Variants in ACTN2 observed in about 807,000 individuals in gnomAD.
ACTN2 encodes the protein alpha-actinin-2.
In ACTN2, 39 loss-of-function variants were observed where a neutral mutation model predicts 113.8. The observed-to-expected ratio is 0.34, with a 90% CI of 0.27 to 0.45. The LOEUF is 0.45. Among genes scored for constraint, ACTN2 ranks in the 20% least tolerant of loss-of-function variants. The pLI is 1.00. For synonymous variants in ACTN2, 429 were observed against 444.1 expected (o/e 0.97, Z 0.43); for missense variants, 992 against 1,177.9 (o/e 0.84, Z 2.31).
At chr1:236,719,769 G>A (rs1208652654) in intron 3 of ACTN2, among the ~76,000 whole-genome samples, 3 of 151,582 alleles carry the variant, frequency 2.0e-5, no homozygotes, top group Admixed American at 6.6e-5. Flanking sequence ...ACTGCACTGC[G>A]GCCTGGGCGA....
chr1:236,723,965 C>T (rs1393635313), intron 4 of ACTN2, among the ~76,000 whole-genome samples: 1 of 152,114 alleles, frequency 6.6e-6, no homozygotes, highest in Non-Finnish European at 1.5e-5. Flanking sequence ...CGGTTTGGGT[C>T]CTCCAGGAAG....
intron 1 of ACTN2, among the ~76,000 whole-genome samples, chr1:236,709,341 CGTGTATATATATATATACGT>C: frequency 9.5e-6 from 1 of 105,370 alleles, no homozygotes; most frequent in Non-Finnish European, 1.8e-5. Context: ...TATATATATA[CGTGTATATATATATATACGT>C]GTGTGTGTAT....
intron 7 of ACTN2, among the ~76,000 whole-genome samples, chr1:236,732,536 G>C (rs925215709): frequency 6.6e-6 from 1 of 151,638 alleles, no homozygotes; most frequent in Non-Finnish European, 1.5e-5. Context: ...TCTGTCTCCC[G>C]GGTTCAAGAG....
chr1:236,729,538 A>G (rs147823165), intron 6 of ACTN2, among the ~76,000 whole-genome samples: 62 of 152,216 alleles, frequency 4.1e-4, no homozygotes, highest in African/African-American at 1.4e-3. Context: ...TCGTAAGAAG[A>G]GTGTCCTGGC....
rs1324659627 is a variant in ACTN2 at position 236,742,898 on chromosome 1, T to A, written c.1110T>A (p.Asp370Glu). ...CCCTTGGCTTCCAACCATCCCAGGA[T>A]ATTGCTGGTGCCTGGCAGAGGCTGG... is the stretch of plus-strand genomic sequence containing the variant. The part of the protein sequence containing the change: ...FMPSEGKMVS[D>E]IAGAWQRLEQ... The change falls in exon 11 of 21, where the codon GAT (aspartate) becomes GAA (glutamate). Residue 370 changes from aspartate (D) to glutamate (E), a missense_variant and splice_region_variant. Coordinates refer to ENST00000366578, the MANE Select transcript of ACTN2 (RefSeq NM_001103.4). 1 of 1,614,182 alleles carries A rather than the reference T, an allele frequency of 6.2e-7. No individual in the cohort carries two copies. The highest frequency in any genetic ancestry group is 1.7e-5 in the Admixed American group (1 of 60,032).
intron 1 of ACTN2, among the ~76,000 whole-genome samples, chr1:236,698,357 G>A (rs6428965): frequency 0.96 from 146,278 of 152,296 alleles, 70,270 homozygotes; most frequent in East Asian, 0.99. Context: ...AAAACATATT[G>A]TAGATGTTTT....
intron 4 of ACTN2, among the ~76,000 whole-genome samples, chr1:236,721,651 TA>T (rs1426246015): frequency 6.6e-6 from 1 of 152,240 alleles, no homozygotes; most frequent in Non-Finnish European, 1.5e-5. Context: ...ATTCTTGCTT[TA>T]TTTAAAAATT....
chr1:236,715,136 C>A (rs186247086), intron 1 of ACTN2, among the ~76,000 whole-genome samples: 26 of 149,976 alleles, frequency 1.7e-4, no homozygotes, highest in African/African-American at 4.2e-4. Context: ...CCCTTTCGTA[C>A]CACTTGAATT....
At chr1:236,716,277 T>C (rs1336760623) in intron 1 of ACTN2, among the ~76,000 whole-genome samples, 4 of 152,134 alleles carry the variant, frequency 2.6e-5, no homozygotes, top group Non-Finnish European at 5.9e-5. Context: ...GAAGTTTTCA[T>C]CTTGAACACA....
At chr1:236,745,105 A>G (rs1230571738) in intron 12 of ACTN2, among the ~76,000 whole-genome samples, 6 of 152,144 alleles carry the variant, frequency 3.9e-5, no homozygotes, top group Non-Finnish European at 2.9e-5. Flanking sequence ...GAAGCAGAAT[A>G]TAGCCTGTCC....
At chr1:236,744,030 C>T (rs1659152227) in intron 11 of ACTN2, among the ~76,000 whole-genome samples, 2 of 152,104 alleles carry the variant, frequency 1.3e-5, no homozygotes, top group Non-Finnish European at 2.9e-5. Flanking sequence ...AGGTCATTAG[C>T]CAGGGGATAA....
At chr1:236,749,058 C>T in intron 13 of ACTN2, 66 bp from the exon 14 acceptor site, 1 of 1,560,686 alleles carries the variant, frequency 6.4e-7, no homozygotes, top group Non-Finnish European at 8.8e-7. Context: ...TATGGAACGC[C>T]TACTTACACT....
chr1:236,753,806 C>G (rs1659469324), intron 15 of ACTN2, 141 bp from the exon 16 acceptor site: 1 of 1,065,214 alleles, frequency 9.4e-7, no homozygotes. Flanking sequence ...TATCCTCCCT[C>G]TTCCTTCCCC....
chr1:236,715,781 C>T (rs1021338890), intron 1 of ACTN2, among the ~76,000 whole-genome samples: 11 of 152,112 alleles, frequency 7.2e-5, no homozygotes, highest in African/African-American at 2.2e-4. Flanking sequence ...CATGGCAAAA[C>T]CCCGTCTCTA....
In ACTN2 at chr1:236,742,976, G is replaced by A; in HGVS notation, c.1188G>A (p.Leu396=). The A allele has an allele frequency of 6.2e-7, 1 of 1,614,198 alleles. No homozygotes were observed. The highest frequency in any genetic ancestry group is 1.1e-5 in the South Asian group (1 of 91,086). Residue 396 remains leucine (L), a synonymous_variant, in exon 11 of 21, where the codon CTG becomes CTA. Coordinates refer to ENST00000366578, the MANE Select transcript of ACTN2 (RefSeq NM_001103.4). The part of the protein sequence containing the change: ...EEWLLNEIRR[L]ERLEHLAEKF... ...GGTTGCTCAATGAGATTCGGAGACTGGAGCGCTTGGAACACCTGGCTGAGA... is the reference window on the plus strand; with the variant it reads ...GGTTGCTCAATGAGATTCGGAGACTAGAGCGCTTGGAACACCTGGCTGAGA...
At position 236,754,347 on chromosome 1, in the gene ACTN2, A is replaced by G. The variant is rs890838415; in HGVS notation, c.1974+266A>G. Among the ~76,000 whole-genome samples, 1 of 152,214 alleles carries G rather than the reference A, an allele frequency of 6.6e-6. No individual in the cohort carries two copies. The highest frequency in any genetic ancestry group is 1.5e-5 in the Non-Finnish European group (1 of 68,044). ...GGTTCTGTTTATTTTCTCACTAAAA[A>G]TGGTGACAGGGCTTTCTCCGTTTTT... is the stretch of plus-strand genomic sequence containing the variant. On this transcript the variant is annotated intron_variant, in intron 16 of 20. Coordinates refer to ENST00000366578, the MANE Select transcript of ACTN2 (RefSeq NM_001103.4). The surrounding 1 kb of genome is among the most constrained non-coding windows in gnomAD (Gnocchi z 4.9).
chr1:236,689,338 T>TATATATACAC (rs1439126100), intron 1 of ACTN2, among the ~76,000 whole-genome samples: 7 of 41,178 alleles, frequency 1.7e-4, no homozygotes, highest in Admixed American at 3.2e-4. Flanking sequence ...TATATATATA[T>TATATATACAC]ACACACACAT....
chr1:236,737,815 T>C (rs892423940), intron 9 of ACTN2, among the ~76,000 whole-genome samples: 4 of 152,150 alleles, frequency 2.6e-5, no homozygotes, highest in Non-Finnish European at 5.9e-5. Flanking sequence ...AGTTTCCAGG[T>C]TGTTTTTCTT....
chr1:236,687,302 T>G (rs1665909726), intron 1 of ACTN2, among the ~76,000 whole-genome samples: 1 of 152,190 alleles, frequency 6.6e-6, no homozygotes, highest in African/African-American at 2.4e-5. Flanking sequence ...GTATGAACAC[T>G]AGACATTTAC....
Sources: gnomAD v4.1 joint callset for allele counts (sites outside exome capture counted in the v4.1 genomes callset) on GRCh38, gnomAD v4.1.1 for gene constraint, Gnocchi (gnomAD v3.1) non-coding constraint, MANE v1.5 for transcripts, NCBI Gene and HGNC (gene_info 2026-07-23, HGNC 2026-07-21) for gene names.